CFAP46: variants seen among roughly 807,000 people sequenced by gnomAD.
The protein encoded by CFAP46 is cilia and flagella associated protein 46.
CFAP46 carries 245 observed loss-of-function variants against 325.7 expected under a neutral mutation model. The ratio of observed to expected loss-of-function variants is 0.75; its 90% CI spans 0.68 to 0.84. The LOEUF (loss-of-function observed/expected upper bound fraction) is 0.84, where lower values mean the gene tolerates loss of function less well. Among genes scored for constraint, CFAP46 ranks in the 40% least tolerant of loss-of-function variants. The pLI, the probability that CFAP46 is intolerant of heterozygous loss-of-function variation, is 0.00. For synonymous variants in CFAP46, 1,523 were observed against 1,495.9 expected (o/e 1.02, Z -0.42); for missense variants, 3,346 against 3,543.0 (o/e 0.94, Z 1.41).
intron 22 of CFAP46, among the ~76,000 whole-genome samples, chr10:132,907,329 A>C (rs569259432): frequency 1.4e-4 from 21 of 152,370 alleles, no homozygotes; most frequent in African/African-American, 5.0e-4. Flanking sequence ...ATATTCAAAA[A>C]TTGGGGAAAG....
chr10:132,819,066 C>G (rs1471087605), intron 50 of CFAP46, among the ~76,000 whole-genome samples: 1 of 152,094 alleles, frequency 6.6e-6, no homozygotes, highest in Non-Finnish European at 1.5e-5. Flanking sequence ...AATGAACTAT[C>G]ATTAAAATCA....
At position 132,808,586 on chromosome 10, in the gene CFAP46, G is replaced by C. The variant is rs773919772; in HGVS notation, c.7983C>G (p.Ala2661=). ...PPPATSRKAA[A]WTSSSACLCA... ...ACAGGCAGGCAGAGCTCGAGGTCCA[G>C]GCGGCTGCCTTGCGGGAAGTCGCTG... The change falls in exon 58 of 58, where the codon GCC becomes GCG. Residue 2661 remains alanine (A), a synonymous_variant. Coordinates refer to ENST00000368586, the MANE Select transcript of CFAP46 (RefSeq NM_001200049.3). The surrounding 1 kb of genome is among the most constrained non-coding windows in gnomAD (Gnocchi z 6.8). The C allele has an allele frequency of 5.6e-6, 9 of 1,612,700 alleles. No individual in the cohort carries two copies. The South Asian group carries it at 8.8e-5, about 16-fold the overall frequency.
At chr10:132,904,624 C>T (rs541601937) in intron 22 of CFAP46, among the ~76,000 whole-genome samples, 4 of 152,240 alleles carry the variant, frequency 2.6e-5, no homozygotes, top group Non-Finnish European at 5.9e-5. Context: ...CCCCCACATC[C>T]TCCTGTTGTG....
rs1032966998 is a variant in CFAP46 at position 132,884,281 on chromosome 10, C to A, written c.3627+822G>T. Among the ~76,000 whole-genome samples the A allele has an allele frequency of 6.6e-6, 1 of 152,124 alleles. No individual in the cohort carries two copies. The highest frequency in any genetic ancestry group is 2.4e-5 in the African/African-American group (1 of 41,438). ...GTGGCTCCCCACGGTGGTACCCAGGCGTCTGCCTTGATCACCCAGTGCCCT... is the reference window on the plus strand; with the variant it reads ...GTGGCTCCCCACGGTGGTACCCAGGAGTCTGCCTTGATCACCCAGTGCCCT... On this transcript the variant is annotated intron_variant, in intron 27 of 57. Transcript: ENST00000368586. This position sits in a 1 kb window ranked among gnomAD's most constrained non-coding sequence, Gnocchi z 5.4.
rs1432393125 is a variant in CFAP46 at position 132,924,840 on chromosome 10, G to A, written c.1112C>T (p.Ala371Val). 6 of 1,438,490 alleles carry A rather than the reference G, an allele frequency of 4.2e-6. No homozygotes were observed. The East Asian group carries it at 1.4e-4, about 34-fold the overall frequency. 89.1% of individuals were successfully genotyped at this position (1,438,490 alleles called of 1,614,324 possible). ...IQRLDVALQR[A>V]VRLGDPRVIH... ...GACCCGGGGGTCGCCCAGGCGCACG[G>A]CTCGCTGCAGCGCGACGTCTAGCCT... The change falls in exon 11 of 58, where the codon GCC (alanine) becomes GTC (valine). Residue 371 changes from alanine to valine, a missense_variant. Coordinates refer to ENST00000368586, the MANE Select transcript of CFAP46 (RefSeq NM_001200049.3).
intron 44 of CFAP46, among the ~76,000 whole-genome samples, chr10:132,844,692 T>A (rs1848405812): frequency 6.6e-6 from 1 of 152,150 alleles, no homozygotes; most frequent in Non-Finnish European, 1.5e-5. Flanking sequence ...ACTGGTGTCC[T>A]TGGTCCCCAA....
chr10:132,909,852 C>T (rs528688468), intron 20 of CFAP46, 67 bp downstream of exon 20: 12 of 1,344,338 alleles, frequency 8.9e-6, no homozygotes, highest in African/African-American at 6.0e-5. Flanking sequence ...CCACCACCCC[C>T]GGCTGTCTCA....
In CFAP46 at chr10:132,869,496, T is replaced by G; in HGVS notation, c.4512-124A>C. On this transcript the variant is annotated intron_variant, in intron 32 of 57. Coordinates refer to ENST00000368586, the MANE Select transcript of CFAP46 (RefSeq NM_001200049.3). This position sits in a 1 kb window ranked among gnomAD's most constrained non-coding sequence, Gnocchi z 6.2. The stretch of plus-strand genomic sequence containing the variant: ...CATCGAGGCACACTTGGATGGTATT[T>G]TCAATCATTTTTAAAGGTAAGCGAA... 1 of 599,466 alleles carries G rather than the reference T, an allele frequency of 1.7e-6. No individual in the cohort carries two copies. The highest frequency in any genetic ancestry group is 2.6e-6 in the Non-Finnish European group (1 of 379,684). The allele number at this position is 599,466 out of a possible 1,614,324, so 37.1% of individuals were successfully genotyped here. A position where few individuals can be genotyped will look rare whatever the true frequency, so the allele number is the denominator to read the frequency against.
At chr10:132,941,373 T>G (rs1029715790) in intron 3 of CFAP46, among the ~76,000 whole-genome samples, 3 of 152,214 alleles carry the variant, frequency 2.0e-5, no homozygotes, top group Non-Finnish European at 4.4e-5. Flanking sequence ...GAGACCACGC[T>G]GCTACGAGGC....
Position 132,835,304 on chromosome 10 carries a change from C to A in CFAP46, c.6744G>T (p.Ser2248=). The A allele has an allele frequency of 6.2e-7, 1 of 1,612,422 alleles. No individual in the cohort carries two copies. Among genetic ancestry groups the A allele is most frequent in the South Asian group, 1.1e-5 (1 of 91,036 alleles). The change falls in exon 47 of 58, where the codon TCG becomes TCT. Residue 2248 remains serine (S), a splice_region_variant and synonymous_variant. Coordinates refer to ENST00000368586, the MANE Select transcript of CFAP46 (RefSeq NM_001200049.3). Reference sequence around the variant, plus strand: ...TGGCTTGGAGCCTGGAGGGCCTCACCGAGCCTATGTTCAGGGCCATGTCCT... The same window carrying A: ...TGGCTTGGAGCCTGGAGGGCCTCACAGAGCCTATGTTCAGGGCCATGTCCT... ...YSEDMALNIG[S]EPEGLQVEEK...
chr10:132,896,980 T>C (rs61150130), intron 24 of CFAP46, among the ~76,000 whole-genome samples: 2,739 of 152,294 alleles, frequency 0.018, 81 homozygotes, highest in African/African-American at 0.061. Context: ...TCAAATTATT[T>C]TCAGCAACAG....
intron 8 of CFAP46, among the ~76,000 whole-genome samples, chr10:132,932,251 T>C (rs113255559): frequency 0.026 from 2,954 of 113,586 alleles, 54 homozygotes; most frequent in African/African-American, 0.065. Flanking sequence ...GCCTGGGCCT[T>C]CCTCCTCCCC....
chr10:132,900,986 T>C (rs1283169503), intron 22 of CFAP46, among the ~76,000 whole-genome samples: 1 of 152,270 alleles, frequency 6.6e-6, no homozygotes, highest in Non-Finnish European at 1.5e-5. Context: ...TCCTTCATCA[T>C]GAGGAATGTC....
intron 4 of CFAP46, among the ~76,000 whole-genome samples, chr10:132,940,354 A>G (rs1222190830): frequency 2.6e-5 from 4 of 152,038 alleles, no homozygotes; most frequent in Non-Finnish European, 5.9e-5. Context: ...TTTGAATAGG[A>G]TATGAATCAG....
intron 43 of CFAP46, 52 bp downstream of exon 43, chr10:132,846,880 C>A (rs1170949470): frequency 1.3e-6 from 2 of 1,555,054 alleles, no homozygotes; most frequent in Non-Finnish European, 1.7e-6. Context: ...AGCCCAGGGT[C>A]CTCCCTCCTC....
Position 132,879,478 on chromosome 10 carries a change from C to T in CFAP46, c.3953G>A (p.Gly1318Asp), listed in dbSNP as rs1404668417. 1.3e-6 allele frequency: 2 copies of T among 1,546,334 alleles called. No individual in the cohort carries two copies. The highest frequency in any genetic ancestry group is 1.2e-5 in the South Asian group (1 of 83,774). Residue 1318 changes from glycine to aspartate, a missense_variant, in exon 29 of 58, where the codon GGC becomes GAC. Physicochemically the swap from Gly to Asp is moderately conservative, Grantham distance 94. Transcript: ENST00000368586. ...LALVLSPGAE[G>D]YEDCCLAAYA... ...GGCTGCAAGGCAGCAGTCCTCGTAG[C>T]CCTCGGCGCCCGGCGACAGCACCAG...
At chr10:132,940,866 C>A in intron 4 of CFAP46, 130 bp downstream of exon 4, 2 of 851,766 alleles carry the variant, frequency 2.3e-6, no homozygotes, top group Non-Finnish European at 3.8e-6. Context: ...AGTGATCACA[C>A]GTGCATGAAA....
chr10:132,850,505 G>A, intron 40 of CFAP46, 73 bp from the exon 41 acceptor site: 1 of 1,403,904 alleles, frequency 7.1e-7, no homozygotes, highest in Non-Finnish European at 9.5e-7. Flanking sequence ...GACCCAGTGA[G>A]CCCGCCCTCT....
intron 9 of CFAP46, 163 bp downstream of exon 9, chr10:132,929,542 C>A (rs1400218973): frequency 3.8e-6 from 3 of 798,476 alleles, no homozygotes; most frequent in Non-Finnish European, 2.3e-6. Context: ...CATCTAACTG[C>A]AACTGTGCAA....
Sources: allele counts gnomAD v4.1 joint callset (sites outside exome capture counted in the v4.1 genomes callset), GRCh38; gene constraint gnomAD v4.1.1; non-coding constraint Gnocchi (gnomAD v3.1); transcripts MANE v1.5; gene names NCBI Gene and HGNC (gene_info 2026-07-23, HGNC 2026-07-21).